SCTR: variants seen among roughly 807,000 people sequenced by gnomAD.
SCTR encodes the protein pancreatic secretin receptor.
A neutral mutation model predicts 60.8 loss-of-function variants in SCTR; 56 were observed. The observed-to-expected ratio is 0.92, with a 90% CI of 0.74 to 1.15. SCTR has a LOEUF of 1.15. Ranked by LOEUF, SCTR falls within the 50% of genes most tolerant of loss-of-function variation. The pLI is 0.00. For synonymous variants in SCTR, 202 were observed against 217.0 expected (o/e 0.93, Z 0.61); for missense variants, 562 against 550.4 (o/e 1.02, Z -0.21).
intron 2 of SCTR, chr2:119,479,912 T>G (rs1359444100): frequency 6.6e-6 from 1 of 152,218 alleles, no homozygotes; most frequent in African/African-American, 2.4e-5. Flanking sequence ...AATTACTAGG[T>G]GTTTTCAATG....
At chr2:119,523,555 C>T (rs938695293) in intron 1 of SCTR, among the ~76,000 whole-genome samples, 1 of 151,716 alleles carries the variant, frequency 6.6e-6, no homozygotes, top group East Asian at 1.9e-4. Context: ...GTGGGGAGAG[C>T]GGCAGGCGGT....
chr2:119,479,000 T>G, intron 2 of SCTR, 82 bp from the exon 3 acceptor site: 1 of 1,573,872 alleles, frequency 6.4e-7, no homozygotes, highest in South Asian at 1.2e-5. Context: ...ACCGACACCC[T>G]TGCCTGCCTG....
At chr2:119,447,137 G>GA (rs1196337474) in intron 10 of SCTR, among the ~76,000 whole-genome samples, 28 of 147,688 alleles carry the variant, frequency 1.9e-4, no homozygotes, top group African/African-American at 5.4e-4. Context: ...TCAGTAAAAA[G>GA]AAAAAAAAAC....
chr2:119,477,967 T>C (rs1412568519), intron 3 of SCTR, among the ~76,000 whole-genome samples: 2 of 152,228 alleles, frequency 1.3e-5, no homozygotes, highest in Admixed American at 6.5e-5. Flanking sequence ...CATGTGCGTA[T>C]GTACAGCAGA....
At chr2:119,455,063 A>C (rs774978038) in intron 7 of SCTR, among the ~76,000 whole-genome samples, 30 of 152,210 alleles carry the variant, frequency 2.0e-4, no homozygotes, top group South Asian at 4.2e-4. Context: ...GAAATACTTA[A>C]ATCAGATTCT....
At chr2:119,467,238 G>C (rs1683873227) in intron 4 of SCTR, among the ~76,000 whole-genome samples, 1 of 152,072 alleles carries the variant, frequency 6.6e-6, no homozygotes, top group Admixed American at 6.6e-5. Context: ...AATTAGCCAG[G>C]CATGGTGGCG....
chr2:119,492,556 C>T (rs1678171120), intron 2 of SCTR, among the ~76,000 whole-genome samples: 2 of 152,204 alleles, frequency 1.3e-5, no homozygotes, highest in Non-Finnish European at 2.9e-5. Flanking sequence ...GAAGAAAAAT[C>T]ATATAACATA....
chr2:119,466,087 A>C (rs185121646), intron 4 of SCTR, among the ~76,000 whole-genome samples: 1 of 152,064 alleles, frequency 6.6e-6, no homozygotes, highest in Non-Finnish European at 1.5e-5. Context: ...ATGATCCCTA[A>C]GGATCATCCC....
At position 119,524,228 on chromosome 2, in the gene SCTR, G is replaced by C; in HGVS notation, c.-2C>G. 6.8e-7 allele frequency: 1 copy of C among 1,464,918 alleles called. No individual in the cohort carries two copies. The highest frequency in any genetic ancestry group is 1.3e-5 in the South Asian group (1 of 74,672). 90.7% of individuals were successfully genotyped at this position (1,464,918 alleles called of 1,614,324 possible). ...CGGCGGCGACAGGTGGGGACGCATG[G>C]TGCCCGCACGTTCCCCGAGGGCGCC... On this transcript the variant is annotated 5_prime_UTR_variant, in exon 1 of 13. Transcript: ENST00000019103.
intron 1 of SCTR, among the ~76,000 whole-genome samples, chr2:119,508,328 T>C (rs1047848726): frequency 2.0e-5 from 3 of 151,776 alleles, no homozygotes; most frequent in Admixed American, 6.6e-5. Flanking sequence ...TTCCATCATA[T>C]TCTCTTTTCT....
chr2:119,500,678 A>C (rs1229710847), intron 1 of SCTR, among the ~76,000 whole-genome samples: 2 of 152,222 alleles, frequency 1.3e-5, no homozygotes, highest in Non-Finnish European at 2.9e-5. Flanking sequence ...AAAAAGGTGG[A>C]TCACATGAAG....
In SCTR at chr2:119,440,192, C is replaced by G; in HGVS notation, c.1248G>C (p.Val416=). Residue 416 remains valine, a synonymous_variant, in exon 13 of 13, where the codon GTG becomes GTC. Transcript: ENST00000019103. ...WHLREFPLHP[V]ASFSNSTKAS... ...CCTTGGTGCTGTTGCTGAAGGAGGC[C>G]ACGGGGTGCAGTGGGAACTCACGGA... 3 of 1,614,074 alleles carry G rather than the reference C, an allele frequency of 1.9e-6. No individual in the cohort carries two copies. Among genetic ancestry groups the G allele is most frequent in the Non-Finnish European group, 2.5e-6 (3 of 1,180,006 alleles).
At chr2:119,510,292 G>A (rs1004173245) in intron 1 of SCTR, among the ~76,000 whole-genome samples, 4 of 152,114 alleles carry the variant, frequency 2.6e-5, no homozygotes, top group Admixed American at 1.3e-4. Flanking sequence ...AAGATAATGT[G>A]GGGGGAGGGG....
At chr2:119,449,993 G>A (rs796333333) in intron 9 of SCTR, among the ~76,000 whole-genome samples, 10 of 80,804 alleles carry the variant, frequency 1.2e-4, no homozygotes, top group East Asian at 3.9e-4. Context: ...AGGAAGGAAG[G>A]AAGAAAGAGG....
At chr2:119,446,924 C>T in intron 10 of SCTR, 39 bp from the exon 11 acceptor site, 1 of 1,401,946 alleles carries the variant, frequency 7.1e-7, no homozygotes, top group South Asian at 1.8e-5. Context: ...ACTCTGCCTC[C>T]CTGCGCCCTT....
At chr2:119,517,256 T>A (rs1334951424) in intron 1 of SCTR, among the ~76,000 whole-genome samples, 1 of 151,762 alleles carries the variant, frequency 6.6e-6, no homozygotes, top group Non-Finnish European at 1.5e-5. Context: ...ACTTCCCTGG[T>A]TCAAGCATTC....
intron 1 of SCTR, among the ~76,000 whole-genome samples, chr2:119,523,903 G>T (rs2104970045): frequency 6.6e-6 from 1 of 152,304 alleles, no homozygotes; most frequent in South Asian, 2.1e-4. Context: ...CAGAGGAAGG[G>T]GTCGGTGGTG....
intron 7 of SCTR, among the ~76,000 whole-genome samples, chr2:119,458,506 C>T (rs973441516): frequency 6.6e-6 from 1 of 151,630 alleles, no homozygotes; most frequent in African/African-American, 2.4e-5. Context: ...GAGGCTGAGG[C>T]AGGAGAATGG....
At chr2:119,476,159 C>T (rs1490827246) in intron 3 of SCTR, among the ~76,000 whole-genome samples, 2 of 152,154 alleles carry the variant, frequency 1.3e-5, no homozygotes, top group East Asian at 1.9e-4. Context: ...GTTGGGGGCA[C>T]CACCTAGGGA....
Sources: allele counts gnomAD v4.1 joint callset (sites outside exome capture counted in the v4.1 genomes callset), GRCh38; gene constraint gnomAD v4.1.1; transcripts MANE v1.5; gene names NCBI Gene and HGNC (gene_info 2026-07-23, HGNC 2026-07-21).